Variants in EFR3A observed in about 807,000 individuals in gnomAD.
EFR3A encodes EFR3 homolog A.
Under a neutral mutation model 104.4 loss-of-function variants are expected in EFR3A, and 76 were observed. That is an observed-to-expected ratio of 0.73 (90% CI 0.60 to 0.88). The LOEUF is 0.88. Among genes scored for constraint, EFR3A ranks in the 40% least tolerant of loss-of-function variants. The pLI is 0.00. For missense variants in EFR3A, 985 were observed against 1,012.5 expected (o/e 0.97, Z 0.37); for synonymous variants, 330 against 330.0 (o/e 1.00, Z 0.00).
intron 22 of EFR3A, among the ~76,000 whole-genome samples, chr8:132,009,362 T>A (rs1350473048): frequency 6.6e-6 from 1 of 151,992 alleles, no homozygotes; most frequent in Non-Finnish European, 1.5e-5. Context: ...AGTAAGATAA[T>A]TTTTTTTAAG....
At chr8:131,951,959 T>C (rs1367725816) in intron 5 of EFR3A, among the ~76,000 whole-genome samples, 1 of 152,140 alleles carries the variant, frequency 6.6e-6, no homozygotes, top group East Asian at 1.9e-4. Context: ...GTCCCTTTAT[T>C]TTTTTACCAA....
rs555857353 is a variant in EFR3A at position 131,968,591 on chromosome 8, G to T, written c.991+161G>T. 2.0e-5 allele frequency among the ~76,000 whole-genome samples: 3 copies of T among 152,132 alleles called. No homozygotes were observed. In the East Asian group the frequency reaches 5.8e-4, roughly 29 times the overall value. On this transcript the variant is annotated intron_variant, in intron 9 of 22. Coordinates refer to ENST00000254624, the MANE Select transcript of EFR3A (RefSeq NM_015137.6). ...TTTGGGTTCATGCAATTATTTTCAG[G>T]CTTCTTTAGCACACAGTTAAGTATT...
intron 8 of EFR3A, among the ~76,000 whole-genome samples, chr8:131,965,087 A>G (rs938512863): frequency 2.6e-5 from 4 of 152,190 alleles, no homozygotes; most frequent in African/African-American, 9.7e-5. Flanking sequence ...AAAGACTTAA[A>G]TGTTAGACTT....
intron 1 of EFR3A, among the ~76,000 whole-genome samples, chr8:131,907,279 G>A (rs1487583443): frequency 6.6e-6 from 1 of 152,154 alleles, no homozygotes; most frequent in Non-Finnish European, 1.5e-5. Flanking sequence ...GTAGATTCTT[G>A]TTTATATAGA....
At chr8:131,961,891 T>G (rs543803493) in intron 8 of EFR3A, among the ~76,000 whole-genome samples, 3,123 of 151,992 alleles carry the variant, frequency 0.021, 47 homozygotes, top group South Asian at 0.042. Context: ...CAGAAGAGAG[T>G]GGGGGCCAAT....
chr8:131,996,024 G>A (rs1821463871), intron 18 of EFR3A, among the ~76,000 whole-genome samples: 1 of 152,034 alleles, frequency 6.6e-6, no homozygotes, highest in Non-Finnish European at 1.5e-5. Context: ...AGAGATATAA[G>A]GGCAATATTG....
intron 22 of EFR3A, among the ~76,000 whole-genome samples, chr8:132,010,333 T>G (rs1370132584): frequency 2.7e-5 from 4 of 148,414 alleles, no homozygotes; most frequent in Non-Finnish European, 5.9e-5. Flanking sequence ...AAGAACAGAC[T>G]TTTTAACATT....
rs971522302 is a variant in EFR3A at position 131,943,783 on chromosome 8, C to A, written c.88-962C>A. On this transcript the variant is annotated intron_variant, in intron 2 of 22. Transcript: ENST00000254624. ...GGGCTCAGTTACACCTGGTTAAGAT[C>A]TACTGGCCTAGCAGGCACTGAGAAA... 5.3e-5 allele frequency among the ~76,000 whole-genome samples: 8 copies of A among 151,936 alleles called. No individual in the cohort carries two copies. In the South Asian group the frequency reaches 1.7e-3, roughly 31 times the overall value.
At chr8:131,912,768 A>C (rs1816567688) in intron 1 of EFR3A, among the ~76,000 whole-genome samples, 2 of 152,182 alleles carry the variant, frequency 1.3e-5, no homozygotes, top group African/African-American at 4.8e-5. Context: ...CCTTGAAATG[A>C]CATGTTAAAA....
intron 1 of EFR3A, among the ~76,000 whole-genome samples, chr8:131,918,655 A>C (rs904380905): frequency 1.3e-5 from 2 of 152,178 alleles, no homozygotes; most frequent in Non-Finnish European, 2.9e-5. Flanking sequence ...AATTCAAATG[A>C]AAATCTCTAA....
At chr8:131,926,086 T>G (rs1410822008) in intron 1 of EFR3A, among the ~76,000 whole-genome samples, 1 of 152,146 alleles carries the variant, frequency 6.6e-6, no homozygotes. Context: ...TTATTAGCTT[T>G]ATTGTGTTGT....
chr8:131,970,595 A>G lies in EFR3A; in HGVS notation c.1111A>G (p.Lys371Glu). Reference protein sequence around the residue: ...VGSVNLNTSSKDNDEKIVQNA... With the variant: ...VGSVNLNTSSEDNDEKIVQNA... The stretch of plus-strand genomic sequence containing the variant: ...CAGTGTCAACTTAAATACAAGTTCC[A>G]AAGACAATGATGAGAAGATTGTGCA... The change falls in exon 10 of 23, where the codon AAA (lysine) becomes GAA (glutamate). Residue 371 changes from lysine (K) to glutamate (E), a missense_variant. Physicochemically the swap from Lys to Glu is moderately conservative, Grantham distance 56 (BLOSUM62 1). Coordinates refer to ENST00000254624, the MANE Select transcript of EFR3A (RefSeq NM_015137.6). The G allele has an allele frequency of 1.2e-6, 2 of 1,613,886 alleles. No homozygotes were observed. The highest frequency in any genetic ancestry group is 1.7e-6 in the Non-Finnish European group (2 of 1,179,796).
chr8:131,906,991 C>T (rs766717818), intron 1 of EFR3A, among the ~76,000 whole-genome samples: 1 of 141,476 alleles, frequency 7.1e-6, no homozygotes, highest in East Asian at 2.2e-4. Context: ...TGTTGTGTAT[C>T]GGGAAGCTGA....
intron 8 of EFR3A, among the ~76,000 whole-genome samples, chr8:131,963,909 G>C (rs1345576044): frequency 6.6e-6 from 1 of 152,136 alleles, no homozygotes; most frequent in African/African-American, 2.4e-5. Flanking sequence ...ATGCAAGGCT[G>C]GTTCAACATA....
At chr8:131,927,706 G>A (rs191649271) in intron 1 of EFR3A, among the ~76,000 whole-genome samples, 3 of 152,030 alleles carry the variant, frequency 2.0e-5, no homozygotes, top group Admixed American at 2.0e-4. Flanking sequence ...CCAGCTATCT[G>A]TTAATTTTTT....
intron 18 of EFR3A, among the ~76,000 whole-genome samples, 194 bp from the exon 19 acceptor site, chr8:131,996,212 A>G (rs1821475092): frequency 6.6e-6 from 1 of 152,064 alleles, no homozygotes; most frequent in African/African-American, 2.4e-5. Context: ...CACCTCATCA[A>G]TTTTACTTTT....
chr8:131,961,230 A>T (rs942477084), intron 8 of EFR3A, among the ~76,000 whole-genome samples: 1 of 152,346 alleles, frequency 6.6e-6, no homozygotes, highest in South Asian at 2.1e-4. Context: ...TGACAAGTTG[A>T]GAGAAGAAGG....
intron 1 of EFR3A, among the ~76,000 whole-genome samples, chr8:131,916,302 A>G (rs560608351): frequency 1.3e-5 from 2 of 152,338 alleles, no homozygotes; most frequent in East Asian, 3.9e-4. Context: ...GACTGCAGTG[A>G]ACAAATGTGA....
chr8:131,910,384 GC>G (rs1462715327), intron 1 of EFR3A, among the ~76,000 whole-genome samples: 1 of 152,130 alleles, frequency 6.6e-6, no homozygotes, highest in Non-Finnish European at 1.5e-5. Context: ...CTATTCTCCT[GC>G]CTCGGCCTCC....
Sources: gnomAD v4.1 joint callset for allele counts (sites outside exome capture counted in the v4.1 genomes callset) on GRCh38, gnomAD v4.1.1 for gene constraint, MANE v1.5 for transcripts, NCBI Gene and HGNC (gene_info 2026-07-23, HGNC 2026-07-21) for gene names.